The following DMD variants were observed in gnomAD, a reference collection of about 807,000 sequenced individuals.
The protein encoded by DMD is dystrophin, also known as mutant dystrophin.
Under a neutral mutation model 330.1 loss-of-function variants are expected in DMD, and 63 were observed. That is an observed-to-expected ratio of 0.19 (90% CI 0.16 to 0.24). The LOEUF (loss-of-function observed/expected upper bound fraction) is 0.24. Among genes scored for constraint, DMD ranks in the 10% least tolerant of loss-of-function variants. The pLI is 1.00. For missense variants in DMD, 3,344 were observed against 2,684.1 expected, an observed-to-expected ratio of 1.25 and a Z score of -5.43; for synonymous variants, 1,223 against 959.8, an observed-to-expected ratio of 1.27 and a Z score of -5.07.
chrX:32,492,626 C>T (rs957888907), intron 19 of DMD, among the ~76,000 whole-genome samples: 3 of 112,044 alleles, frequency 2.7e-5, no homozygotes, highest in African/African-American at 9.7e-5. Flanking sequence ...AGCATGAAAG[C>T]ATGGCAACAT....
intron 1 of DMD, among the ~76,000 whole-genome samples, chrX:33,091,542 A>G (rs2095085490): frequency 1.8e-5 from 2 of 112,215 alleles, no homozygotes; most frequent in Non-Finnish European, 3.8e-5. Context: ...TATAACCTCT[A>G]TACATAGAAA....
At position 32,178,830 on chromosome X, in the gene DMD, G is replaced by GTGTGTGTGTGTGT. The variant is rs1569549001; in HGVS notation, c.6438+38085_6438+38086insACACACACACACA. On this transcript the variant is annotated intron_variant, in intron 44 of 78. Coordinates refer to ENST00000357033, the MANE Select transcript of DMD (RefSeq NM_004006.3). ...TTTAAGGCTGAAAAATATTCCAGGG[G>GTGTGTGTGTGTGT]GTGTGTGTGTGTGTGTGTGTGTGTG... Among the ~76,000 whole-genome samples the GTGTGTGTGTGTGT allele has an allele frequency of 3.0e-3, 297 of 99,170 alleles. 1 individual carries two copies. Among genetic ancestry groups the GTGTGTGTGTGTGT allele is most frequent in the African/African-American group, 6.3e-3 (166 of 26,395 alleles). The allele number at this position is 99,170 out of a possible 115,157, so 86.1% of individuals were successfully genotyped here.
intron 44 of DMD, among the ~76,000 whole-genome samples, chrX:32,205,612 A>C (rs180960399): frequency 5.4e-5 from 6 of 111,871 alleles, no homozygotes; most frequent in Non-Finnish European, 1.1e-4. Flanking sequence ...CAAACCTTGG[A>C]TTATATGTGA....
chrX:32,951,720 G>C (rs1308665591), intron 2 of DMD, among the ~76,000 whole-genome samples: 3 of 111,526 alleles, frequency 2.7e-5, no homozygotes. Context: ...AATTTGCAAT[G>C]ATCTGAGGTA....
rs746035490 is a variant in DMD, at chrX:32,407,566, G to A, written c.4233+4186C>T. 2.3e-4 allele frequency among the ~76,000 whole-genome samples: 25 copies of A among 110,968 alleles called. 2 individuals are homozygous for A. Among genetic ancestry groups the A allele is most frequent in the Admixed American group, 1.8e-3 (19 of 10,410 alleles). On this transcript the variant is annotated intron_variant, in intron 30 of 78. Coordinates refer to ENST00000357033, the MANE Select transcript of DMD (RefSeq NM_004006.3). Reference sequence around the variant, plus strand: ...CAACCATTGTGGAAGTCACTGTGGCGATTCCTCAGGGATCTAGAACTAGAA... The same window carrying A: ...CAACCATTGTGGAAGTCACTGTGGCAATTCCTCAGGGATCTAGAACTAGAA...
At chrX:32,694,583 G>A (rs1392168249) in intron 9 of DMD, among the ~76,000 whole-genome samples, 1 of 112,244 alleles carries the variant, frequency 8.9e-6, no homozygotes, top group Admixed American at 9.4e-5. Flanking sequence ...TACCAGATAT[G>A]CTATGCTAGA....
chrX:33,082,046 G>C lies in DMD; in HGVS notation c.32-61846C>G, dbSNP rs145177049. The stretch of plus-strand genomic sequence containing the variant: ...TCCCAGGCTACCAGAAGTTATCTTA[G>C]GGACTCACGTGTGCGTTAAGAGTGG... On this transcript the variant is annotated intron_variant, in intron 1 of 78. Transcript: ENST00000357033. 5.3e-3 allele frequency among the ~76,000 whole-genome samples: 570 copies of C among 108,457 alleles called. 5 individuals are homozygous for C. Among genetic ancestry groups the C allele is most frequent in the African/African-American group, 0.019 (556 of 29,749 alleles). The allele number at this position is 108,457 out of a possible 115,157, so 94.2% of individuals were successfully genotyped here.
intron 37 of DMD, among the ~76,000 whole-genome samples, chrX:32,357,998 T>A (rs1377565330): frequency 2.7e-5 from 3 of 110,076 alleles, no homozygotes; most frequent in Admixed American, 2.0e-4. Flanking sequence ...CATGAACACA[T>A]CTTGCCCTAT....
At chrX:32,829,931 G>C (rs924330696) in intron 4 of DMD, among the ~76,000 whole-genome samples, 10 of 111,686 alleles carry the variant, frequency 9.0e-5, no homozygotes, top group African/African-American at 2.6e-4. Flanking sequence ...CTCTCTCCAA[G>C]TTAATAAACA....
chrX:31,730,453 C>T (rs1203220471), intron 51 of DMD, among the ~76,000 whole-genome samples: 1 of 111,648 alleles, frequency 9.0e-6, no homozygotes, highest in African/African-American at 3.3e-5. Flanking sequence ...TTATAAATGA[C>T]TTTAATATAG....
intron 45 of DMD, among the ~76,000 whole-genome samples, chrX:31,935,737 A>G (rs1347519434): frequency 9.0e-6 from 1 of 111,104 alleles, no homozygotes; most frequent in African/African-American, 3.3e-5. Context: ...AACATTTTCA[A>G]CTTTCATCTA....
chrX:32,210,027 G>T (rs2097087527), intron 44 of DMD, among the ~76,000 whole-genome samples: 1 of 111,695 alleles, frequency 9.0e-6, no homozygotes, highest in South Asian at 3.7e-4. Context: ...GGGCCAAAAA[G>T]TTGCAGAGGA....
chrX:31,456,872 GTGTGTA>G lies in DMD; in HGVS notation c.8938-12251_8938-12246del, dbSNP rs1432058203. Among the ~76,000 whole-genome samples the G allele has an allele frequency of 3.7e-3, 359 of 98,076 alleles. 2 individuals carry two copies. Among genetic ancestry groups the G allele is most frequent in the African/African-American group, 6.3e-3 (150 of 23,832 alleles). 85.2% of individuals were successfully genotyped at this position (98,076 alleles called of 115,157 possible). ...TGTGTGTGTGTGTGTGTGTGTGTGT[GTGTGTA>G]TATATATATATATTATATACCTATC... On this transcript the variant is annotated intron_variant, in intron 59 of 78. Transcript: ENST00000357033.
At chrX:31,192,854 G>C (rs1000495896) in intron 67 of DMD, among the ~76,000 whole-genome samples, 1 of 112,130 alleles carries the variant, frequency 8.9e-6, no homozygotes, top group African/African-American at 3.2e-5. Flanking sequence ...TAATTTGTTT[G>C]AAAGTACTAG....
chrX:32,663,161 G>C (rs565909470), intron 9 of DMD, among the ~76,000 whole-genome samples: 1 of 111,802 alleles, frequency 8.9e-6, no homozygotes, highest in Non-Finnish European at 1.9e-5. Context: ...TTTTAGGCTT[G>C]CCAATGCATT....
chrX:33,094,671 C>T (rs5972748), intron 1 of DMD, among the ~76,000 whole-genome samples: 1 of 108,343 alleles, frequency 9.2e-6, no homozygotes. Flanking sequence ...AGCTGGGCAT[C>T]GTGGCAGTCA....
chrX:33,003,485 C>T (rs1240223684), intron 2 of DMD, among the ~76,000 whole-genome samples: 2 of 111,533 alleles, frequency 1.8e-5, no homozygotes, highest in East Asian at 5.6e-4. Context: ...ATTAGCTTAC[C>T]TATAACAAAG....
intron 55 of DMD, among the ~76,000 whole-genome samples, chrX:31,606,455 C>T (rs1047507087): frequency 9.0e-6 from 1 of 111,711 alleles, no homozygotes; most frequent in Non-Finnish European, 1.9e-5. Context: ...TTATTGATTA[C>T]TGAGTTAGCT....
rs951824813 is a variant in DMD at position 33,040,568 on chromosome X, C to T, written c.32-20368G>A. Among the ~76,000 whole-genome samples the T allele has an allele frequency of 6.3e-5, 7 of 111,028 alleles. 1 individual carries two copies. The highest frequency in any genetic ancestry group is 2.3e-4 in the African/African-American group (7 of 30,471). On this transcript the variant is annotated intron_variant, in intron 1 of 78. Coordinates refer to ENST00000357033, the MANE Select transcript of DMD (RefSeq NM_004006.3). ...CACTATTACATTAAGCACGGGATAG[C>T]AGCAGCCCATCAGTGGAGGTCTTTG...
Sources: allele counts gnomAD v4.1 joint callset (sites outside exome capture counted in the v4.1 genomes callset), GRCh38; gene constraint gnomAD v4.1.1; transcripts MANE v1.5; gene names NCBI Gene and HGNC (gene_info 2026-07-23, HGNC 2026-07-21).